The following CTNNA3 variants were observed in gnomAD, a reference collection of about 807,000 sequenced individuals.
CTNNA3 encodes the protein catenin alpha 3, also known as catenin alpha-3.
Under a neutral mutation model 95.7 loss-of-function variants are expected in CTNNA3, and 76 were observed. That is an observed-to-expected ratio of 0.79 (90% CI 0.66 to 0.96). The LOEUF (loss-of-function observed/expected upper bound fraction) is 0.96. Ranked by LOEUF, CTNNA3 falls within the 40% of genes least tolerant of loss-of-function variation. The probability of loss-of-function intolerance (pLI) is 0.00; values close to 1 mark genes in which losing one functional copy is unlikely to be tolerated. For synonymous variants in CTNNA3, 431 were observed against 374.4 expected, an observed-to-expected ratio of 1.15 and a Z score of -1.74; for missense variants, 1,191 against 1,089.8, an observed-to-expected ratio of 1.09 and a Z score of -1.31.
intron 5 of CTNNA3, among the ~76,000 whole-genome samples, chr10:67,490,897 A>T (rs1201521474): frequency 6.6e-6 from 1 of 152,080 alleles, no homozygotes; most frequent in Non-Finnish European, 1.5e-5. Context: ...AGACAAAAGA[A>T]TTTTTCTTAA....
At chr10:67,272,205 G>A (rs1589113244) in intron 5 of CTNNA3, among the ~76,000 whole-genome samples, 2 of 152,004 alleles carry the variant, frequency 1.3e-5, no homozygotes, top group Admixed American at 6.6e-5. Flanking sequence ...AATACCCTGT[G>A]GTTCCAAACT....
At chr10:67,395,037 T>G (rs1282197472) in intron 5 of CTNNA3, among the ~76,000 whole-genome samples, 1 of 152,140 alleles carries the variant, frequency 6.6e-6, no homozygotes, top group Non-Finnish European at 1.5e-5. Flanking sequence ...CCCACCAAAT[T>G]TATCTTAAAT....
intron 9 of CTNNA3, among the ~76,000 whole-genome samples, chr10:66,633,299 AT>A (rs1402820273): frequency 6.6e-6 from 1 of 151,944 alleles, no homozygotes; most frequent in African/African-American, 2.4e-5. Context: ...TGTAAAAAAA[AT>A]AAAATGTTAT....
chr10:67,209,840 T>C (rs924425257), intron 6 of CTNNA3, among the ~76,000 whole-genome samples: 4 of 151,036 alleles, frequency 2.6e-5, no homozygotes, highest in Non-Finnish European at 4.4e-5. Context: ...AAAGTACTGC[T>C]TATTAAACAT....
At chr10:66,735,992 G>A (rs767172163) in intron 9 of CTNNA3, among the ~76,000 whole-genome samples, 2 of 152,060 alleles carry the variant, frequency 1.3e-5, no homozygotes, top group Non-Finnish European at 1.5e-5. Context: ...CCCATTTGGC[G>A]GCTGATCCTT....
intron 11 of CTNNA3, among the ~76,000 whole-genome samples, chr10:66,408,359 A>G (rs1016525901): frequency 2.0e-5 from 3 of 152,036 alleles, no homozygotes; most frequent in African/African-American, 7.2e-5. Flanking sequence ...ATAAAATTAT[A>G]GTTCATTAAA....
intron 9 of CTNNA3, among the ~76,000 whole-genome samples, chr10:66,689,950 C>T (rs1048050095): frequency 6.6e-6 from 1 of 152,096 alleles, no homozygotes; most frequent in African/African-American, 2.4e-5. Flanking sequence ...TCTGCTTTCT[C>T]CACACTTGTT....
intron 14 of CTNNA3, among the ~76,000 whole-genome samples, chr10:66,077,872 A>G (rs964562563): frequency 1.3e-5 from 2 of 151,746 alleles, no homozygotes; most frequent in Admixed American, 1.3e-4. Flanking sequence ...AATTATATGT[A>G]TATATAATTA....
chr10:66,759,628 T>C (rs1471035764), intron 9 of CTNNA3, among the ~76,000 whole-genome samples: 2 of 152,188 alleles, frequency 1.3e-5, no homozygotes, highest in African/African-American at 2.4e-5. Context: ...ATTAAATTAA[T>C]GAATAAAGAC....
chr10:66,169,036 T>C (rs1420011450), intron 13 of CTNNA3, among the ~76,000 whole-genome samples: 1 of 152,202 alleles, frequency 6.6e-6, no homozygotes, highest in Non-Finnish European at 1.5e-5. Flanking sequence ...TTCCTTCTCA[T>C]GTACCAATTA....
intron 5 of CTNNA3, among the ~76,000 whole-genome samples, chr10:67,443,932 C>A (rs1176259504): frequency 1.3e-5 from 2 of 152,074 alleles, no homozygotes; most frequent in African/African-American, 4.8e-5. Flanking sequence ...GGTTTTAGGT[C>A]TAATGTTTAA....
chr10:67,190,914 T>C (rs921359207), intron 6 of CTNNA3, among the ~76,000 whole-genome samples: 1 of 152,080 alleles, frequency 6.6e-6, no homozygotes, highest in Middle Eastern at 3.2e-3. Flanking sequence ...AATAGCCTCA[T>C]TTTTAAAAAT....
intron 7 of CTNNA3, among the ~76,000 whole-genome samples, chr10:66,941,512 CA>C (rs1309932361): frequency 4.6e-5 from 7 of 152,096 alleles, no homozygotes; most frequent in Non-Finnish European, 2.9e-5. Flanking sequence ...TCTTTCCTTT[CA>C]ACTGTATGGA....
At chr10:67,077,169 C>T (rs1436371934) in intron 7 of CTNNA3, among the ~76,000 whole-genome samples, 2 of 152,174 alleles carry the variant, frequency 1.3e-5, no homozygotes, top group Non-Finnish European at 2.9e-5. Flanking sequence ...ACACTGCCAT[C>T]TTGCTTCTCT....
At chr10:66,773,702 C>T (rs920113964) in intron 8 of CTNNA3, among the ~76,000 whole-genome samples, 1 of 152,170 alleles carries the variant, frequency 6.6e-6, no homozygotes, top group Non-Finnish European at 1.5e-5. Flanking sequence ...AAAATTGAAA[C>T]AATGGAGATG....
At chr10:66,950,435 G>C (rs1326509682) in intron 7 of CTNNA3, among the ~76,000 whole-genome samples, 1 of 151,960 alleles carries the variant, frequency 6.6e-6, no homozygotes, top group Non-Finnish European at 1.5e-5. Flanking sequence ...TCTGTTTAAA[G>C]AATCATATGT....
chr10:66,654,551 C>A (rs1442845584), intron 9 of CTNNA3, among the ~76,000 whole-genome samples: 1 of 151,960 alleles, frequency 6.6e-6, no homozygotes, highest in Non-Finnish European at 1.5e-5. Flanking sequence ...AGAGGTTTTT[C>A]AGAAAATTTT....
At chr10:65,924,930 A>G (rs763375020) in intron 17 of CTNNA3, among the ~76,000 whole-genome samples, 3 of 152,172 alleles carry the variant, frequency 2.0e-5, no homozygotes, top group Non-Finnish European at 4.4e-5. Flanking sequence ...AGATCCTGTG[A>G]GACTTATTCA....
intron 5 of CTNNA3, among the ~76,000 whole-genome samples, chr10:67,441,053 T>A (rs1246526074): frequency 6.7e-6 from 1 of 150,254 alleles, no homozygotes; most frequent in Non-Finnish European, 1.5e-5. Context: ...AAATTCAAGA[T>A]AACATGGAGA....
Sources: gnomAD v4.1 joint callset for allele counts (sites outside exome capture counted in the v4.1 genomes callset) on GRCh38, gnomAD v4.1.1 for gene constraint, MANE v1.5 for transcripts, NCBI Gene and HGNC (gene_info 2026-07-23, HGNC 2026-07-21) for gene names.